The following ABCC8 variants were observed in gnomAD, a reference collection of about 807,000 sequenced individuals.
The protein encoded by ABCC8 is ATP binding cassette subfamily C member 8.
A neutral mutation model predicts 188.0 loss-of-function variants in ABCC8; 137 were observed. The ratio of observed to expected loss-of-function variants is 0.73; its 90% CI spans 0.63 to 0.84. The LOEUF (loss-of-function observed/expected upper bound fraction) is 0.84, where lower values mean the gene tolerates loss of function less well. ABCC8 is among the 40% of genes least tolerant of loss of function. ABCC8 has a pLI of 0.00. For missense variants in ABCC8, 1,750 were observed against 2,072.7 expected, an observed-to-expected ratio of 0.84 and a Z score of 3.02; for synonymous variants, 797 against 846.5, an observed-to-expected ratio of 0.94 and a Z score of 1.01.
chr11:17,459,910 T>C (rs1957125056), intron 6 of ABCC8, among the ~76,000 whole-genome samples: 1 of 152,178 alleles, frequency 6.6e-6, no homozygotes, highest in Non-Finnish European at 1.5e-5. Context: ...TTTTAAGCCA[T>C]GGAAACTTTT....
intron 29 of ABCC8, among the ~76,000 whole-genome samples, chr11:17,400,950 G>C (rs183411142): frequency 2.6e-5 from 4 of 152,320 alleles, no homozygotes. Context: ...AATGTGTATG[G>C]GGTTGATTAA....
chr11:17,427,048 C>A lies in ABCC8; in HGVS notation c.2222+1G>T, dbSNP rs1554923999. ...CTGGGCCCTGAGGATACATGTATTA[C>A]CTGCTCCAGAAGACAGCCCCTGAGA... is the stretch of plus-strand genomic sequence containing the variant. On this transcript the variant is annotated splice_donor_variant, in intron 16 of 38. Transcript: ENST00000389817. LOFTEE classifies it high-confidence loss of function. The surrounding 1 kb of genome is among the most constrained non-coding windows in gnomAD (Gnocchi z 5.0). 1 of 1,613,856 alleles carries A rather than the reference C, an allele frequency of 6.2e-7. No homozygotes were observed. The highest frequency in any genetic ancestry group is 8.5e-7 in the Non-Finnish European group (1 of 1,179,886).
chr11:17,448,808 A>G, intron 7 of ABCC8, 137 bp from the exon 8 acceptor site: 4 of 1,409,744 alleles, frequency 2.8e-6, no homozygotes, highest in Non-Finnish European at 3.0e-6. Context: ...GTAAGGTGGT[A>G]CTGTATCACC....
chr11:17,476,275 G>A (rs1399718728), intron 1 of ABCC8, among the ~76,000 whole-genome samples: 1 of 152,228 alleles, frequency 6.6e-6, no homozygotes, highest in Non-Finnish European at 1.5e-5. Flanking sequence ...TCCCTAAGCT[G>A]CGCCACGGAG....
Position 17,408,385 on chromosome 11 carries a change from T to C in ABCC8, c.2820+7A>G, listed in dbSNP as rs752517462. ...GTGGCTGCTTGGCCATCCCTGGATA[T>C]ACCCACCTTCTCCAGCTCTTGGTCC... On this transcript the variant is annotated splice_region_variant and intron_variant, in intron 23 of 38. Transcript: ENST00000389817. 2.0e-5 allele frequency: 33 copies of C among 1,612,868 alleles called. No individual in the cohort carries two copies. The highest frequency in any genetic ancestry group is 2.7e-5 in the Non-Finnish European group (32 of 1,179,862).
chr11:17,406,972 C>T lies in ABCC8; in HGVS notation c.3078G>A (p.Leu1026=), dbSNP rs1954569008. 1.2e-6 allele frequency: 2 copies of T among 1,614,072 alleles called. No homozygotes were observed. Among genetic ancestry groups the T allele is most frequent in the Non-Finnish European group, 1.7e-6 (2 of 1,180,044 alleles). ...TGGCCAGCCAGTAGTCGATGGCCAC[C>T]AGGACCATGTGCTTGAGCAGCTGTG... is the stretch of plus-strand genomic sequence containing the variant. ...VFSQLLKHMV[L]VAIDYWLAKW... The change falls in exon 25 of 39, where the codon CTG becomes CTA. Residue 1026 remains leucine (L), a synonymous_variant. Transcript: ENST00000389817.
At chr11:17,410,791 A>G (rs1323448172) in intron 21 of ABCC8, 138 bp from the exon 22 acceptor site, 6 of 1,382,872 alleles carry the variant, frequency 4.3e-6, no homozygotes, top group Non-Finnish European at 6.0e-6. Flanking sequence ...GGCTTTGGAC[A>G]ACTCACCCAA....
At chr11:17,476,433 G>C (rs1007182121) in intron 1 of ABCC8, among the ~76,000 whole-genome samples, 196 bp downstream of exon 1, 3 of 152,228 alleles carry the variant, frequency 2.0e-5, no homozygotes, top group Admixed American at 6.5e-5. Flanking sequence ...GGGATCGGGG[G>C]CACCGGGGGA....
intron 21 of ABCC8, 65 bp from the exon 22 acceptor site, chr11:17,410,718 G>C (rs1954769237): frequency 3.7e-6 from 6 of 1,608,742 alleles, no homozygotes; most frequent in Non-Finnish European, 5.1e-6. Context: ...GGGTGACAAT[G>C]AGTATAAAAC....
In ABCC8 at chr11:17,427,981, A is replaced by G; in HGVS notation, c.2041-39T>C. ...GTCCCACCGCCCAGGAGAGAACAGA[A>G]AGGCAGCCAGTTCCCAGTGAATAGT... On this transcript the variant is annotated intron_variant, in intron 14 of 38. Coordinates refer to ENST00000389817, the MANE Select transcript of ABCC8 (RefSeq NM_000352.6). The surrounding 1 kb of genome is among the most constrained non-coding windows in gnomAD (Gnocchi z 5.0). 1 of 1,606,910 alleles carries G rather than the reference A, an allele frequency of 6.2e-7. No homozygotes were observed. Among genetic ancestry groups the G allele is most frequent in the Non-Finnish European group, 8.5e-7 (1 of 1,176,556 alleles).
At chr11:17,410,691 A>G in intron 21 of ABCC8, 38 bp from the exon 22 acceptor site, 1 of 1,613,500 alleles carries the variant, frequency 6.2e-7, no homozygotes. Context: ...GAGGGTAGGG[A>G]AAGGCATGGT....
intron 10 of ABCC8, among the ~76,000 whole-genome samples, chr11:17,434,999 G>A (rs1235678386): frequency 6.6e-6 from 1 of 151,894 alleles, no homozygotes; most frequent in Non-Finnish European, 1.5e-5. Flanking sequence ...GTGTGTGTGT[G>A]TGTGTGTGTG....
chr11:17,466,714 T>TGGAGTGCAGTGGCACAAGCTTGG (rs1564985918), intron 3 of ABCC8, among the ~76,000 whole-genome samples: 1 of 152,128 alleles, frequency 6.6e-6, no homozygotes, highest in Non-Finnish European at 1.5e-5. Context: ...CAATCTTGGC[T>TGGAGTGCAGTGGCACAAGCTTGG]CACTGTAGCC....
chr11:17,475,905 A>G (rs894993777), intron 1 of ABCC8, among the ~76,000 whole-genome samples: 3 of 152,220 alleles, frequency 2.0e-5, no homozygotes, highest in African/African-American at 7.2e-5. Flanking sequence ...GGGGGACCTC[A>G]GTGGAGAGGC....
intron 10 of ABCC8, among the ~76,000 whole-genome samples, chr11:17,438,521 G>C (rs985450243): frequency 6.6e-6 from 1 of 152,204 alleles, no homozygotes; most frequent in African/African-American, 2.4e-5. Context: ...ACAATGGACA[G>C]AATGAACTGG....
At chr11:17,420,913 T>G (rs929235) in intron 16 of ABCC8, among the ~76,000 whole-genome samples, 1 of 152,146 alleles carries the variant, frequency 6.6e-6, no homozygotes, top group Non-Finnish European at 1.5e-5. Context: ...CCCAAGGTTG[T>G]CACAGTTCCT....
In ABCC8 at chr11:17,395,575, G is replaced by A. The variant is rs200149626; in HGVS notation, c.4307+35C>T. ...AGATCTGATGGAACTGAGCCGGCCT[G>A]GGGCTGGGTGGGCCTGAGGGGTGGT... is the stretch of plus-strand genomic sequence containing the variant. On this transcript the variant is annotated intron_variant, in intron 35 of 38. Transcript: ENST00000389817. 140 of 1,543,588 alleles carry A rather than the reference G, an allele frequency of 9.1e-5. 1 individual carries two copies. The highest frequency in any genetic ancestry group is 2.3e-5 in the Non-Finnish European group (26 of 1,146,694).
chr11:17,403,350 GATTTCCCTGATAA>G (rs1165179619), intron 28 of ABCC8, among the ~76,000 whole-genome samples: 1 of 152,226 alleles, frequency 6.6e-6, no homozygotes, highest in African/African-American at 2.4e-5. Flanking sequence ...GCAGGAAGTT[GATTTCCCTGATAA>G]ACCATCTCCA....
chr11:17,427,947 A>G lies in ABCC8; in HGVS notation c.2041-5T>C, dbSNP rs745777000. 1 of 1,613,486 alleles carries G rather than the reference A, an allele frequency of 6.2e-7. No individual in the cohort carries two copies. The highest frequency in any genetic ancestry group is 8.5e-7 in the Non-Finnish European group (1 of 1,179,722). ...CGTGAAGTAGCCTCCCATGATCTTC[A>G]TTAGGCGTGTCCCACCGCCCAGGAG... is the stretch of plus-strand genomic sequence containing the variant. On this transcript the variant is annotated splice_region_variant and splice_polypyrimidine_tract_variant and intron_variant, in intron 14 of 38. Coordinates refer to ENST00000389817, the MANE Select transcript of ABCC8 (RefSeq NM_000352.6). This position sits in a 1 kb window ranked among gnomAD's most constrained non-coding sequence, Gnocchi z 5.0.
Sources: gnomAD v4.1 joint callset for allele counts (sites outside exome capture counted in the v4.1 genomes callset) on GRCh38, gnomAD v4.1.1 for gene constraint, Gnocchi (gnomAD v3.1) non-coding constraint, MANE v1.5 for transcripts, NCBI Gene and HGNC (gene_info 2026-07-23, HGNC 2026-07-21) for gene names.